The following GLRX5 variants were observed in gnomAD, a reference collection of about 807,000 sequenced individuals.
The protein encoded by GLRX5 is glutaredoxin 5, also known as glutaredoxin-related protein 5, mitochondrial.
In GLRX5, 10 loss-of-function variants were observed where a neutral mutation model predicts 13.8. That is an observed-to-expected ratio of 0.72 (90% CI 0.45 to 1.23). The LOEUF is 1.23. Ranked by LOEUF, GLRX5 falls within the 50% of genes most tolerant of loss-of-function variation. The pLI, the probability that GLRX5 is intolerant of heterozygous loss-of-function variation, is 0.00. For synonymous variants in GLRX5, 98 were observed against 101.1 expected, an observed-to-expected ratio of 0.97 and a Z score of 0.18; for missense variants, 233 against 215.2, an observed-to-expected ratio of 1.08 and a Z score of -0.52.
intron 1 of GLRX5, among the ~76,000 whole-genome samples, chr14:95,538,092 T>C (rs1210391971): frequency 2.8e-5 from 1 of 36,210 alleles, no homozygotes; most frequent in African/African-American, 1.1e-4. Context: ...ATCTAGTTCC[T>C]AACAGTTTTT....
Position 95,544,450 on chromosome 14 carries a change from C to T in GLRX5, c.*325C>T. On this transcript the variant is annotated 3_prime_UTR_variant, in exon 2 of 2. Transcript: ENST00000331334. ...AGCTTTGGAATCATTATTCATGACC[C>T]CTCTGCAAATGTGTCAGTCTCCAAA... is the stretch of plus-strand genomic sequence containing the variant. The T allele has an allele frequency of 3.5e-6, 1 of 284,722 alleles. No homozygotes were observed. The highest frequency in any genetic ancestry group is 7.2e-5 in the East Asian group (1 of 13,794). 17.6% of individuals were successfully genotyped at this position (284,722 alleles called of 1,614,324 possible).
chr14:95,543,889 G>T, intron 1 of GLRX5, 58 bp from the exon 2 acceptor site: 1 of 1,451,550 alleles, frequency 6.9e-7, no homozygotes, highest in Non-Finnish European at 9.7e-7. Flanking sequence ...TACATATTTA[G>T]TCATGAATGG....
At chr14:95,535,563 G>A (rs1309571240) in intron 1 of GLRX5, among the ~76,000 whole-genome samples, 179 bp downstream of exon 1, 1 of 152,212 alleles carries the variant, frequency 6.6e-6, no homozygotes, top group Non-Finnish European at 1.5e-5. Flanking sequence ...CTGGGCTGAG[G>A]GTGTAGTTGA....
chr14:95,535,058 G>C lies in GLRX5; in HGVS notation c.-32G>C, dbSNP rs1473326652. On this transcript the variant is annotated 5_prime_UTR_variant, in exon 1 of 2. Transcript: ENST00000331334. Reference sequence around the variant, plus strand: ...GCTCTGGGTGGCCAGCTGTGGGCCCGGGCCGTCGTGGGCTCCGGCTTGCGT... The same window carrying C: ...GCTCTGGGTGGCCAGCTGTGGGCCCCGGCCGTCGTGGGCTCCGGCTTGCGT... 56 of 1,325,938 alleles carry C rather than the reference G, an allele frequency of 4.2e-5. No individual in the cohort carries two copies. The highest frequency in any genetic ancestry group is 3.0e-4 in the Middle Eastern group (1 of 3,336). 82.1% of individuals were successfully genotyped at this position (1,325,938 alleles called of 1,614,324 possible).
rs1438119570 is a variant in GLRX5 at position 95,543,459 on chromosome 14, G to T, written c.296-488G>T. The T allele has an allele frequency of 2.2e-5, 7 of 318,666 alleles. No individual in the cohort carries two copies. In the Admixed American group the frequency reaches 3.0e-4, roughly 14 times the overall value. 19.7% of individuals were successfully genotyped at this position (318,666 alleles called of 1,614,324 possible). ...AGGTGGGATTGCCCGAGTTGGCCAT[G>T]AATTACCGTGATGGATCCATTTGGA... On this transcript the variant is annotated intron_variant, in intron 1 of 1. Coordinates refer to ENST00000331334, the MANE Select transcript of GLRX5 (RefSeq NM_016417.3).
rs568595229 is a variant in GLRX5 at position 95,544,222 on chromosome 14, C to T, written c.*97C>T. The T allele has an allele frequency of 4.5e-4, 424 of 940,944 alleles. 4 individuals carry two copies. The highest frequency in any genetic ancestry group is 1.0e-4 in the Non-Finnish European group (61 of 591,038). The allele number at this position is 940,944 out of a possible 1,614,324, so 58.3% of individuals were successfully genotyped here. ...CCATTTTGGTTTTCACTATTGAGAC[C>T]GCAACTGCTTGCACTGATCATTTTG... On this transcript the variant is annotated 3_prime_UTR_variant, in exon 2 of 2. Coordinates refer to ENST00000331334, the MANE Select transcript of GLRX5 (RefSeq NM_016417.3).
intron 1 of GLRX5, chr14:95,543,353 A>AC (rs1174810463): frequency 8.7e-6 from 3 of 344,140 alleles, no homozygotes; most frequent in South Asian, 4.5e-5. Context: ...AAAAAAAAAA[A>AC]AACTCAACAA....
At chr14:95,543,486 A>G (rs1891507226) in intron 1 of GLRX5, 1 of 315,674 alleles carries the variant, frequency 3.2e-6, no homozygotes, top group Non-Finnish European at 6.2e-6. Flanking sequence ...CCATTTGGAA[A>G]TGAAGTTGGT....
At chr14:95,543,117 G>A (rs1225347149) in intron 1 of GLRX5, 2 of 456,006 alleles carry the variant, frequency 4.4e-6, no homozygotes, top group East Asian at 6.9e-5. Flanking sequence ...GCTGCTGTGA[G>A]CGCTTAAGAG....
At chr14:95,537,670 A>C (rs1306682854) in intron 1 of GLRX5, among the ~76,000 whole-genome samples, 1 of 152,238 alleles carries the variant, frequency 6.6e-6, no homozygotes, top group African/African-American at 2.4e-5. Context: ...ATTTCTAGTA[A>C]TAGGAACGGA....
Position 95,535,274 on chromosome 14 carries a change from C to T in GLRX5, c.185C>T (p.Pro62Leu), listed in dbSNP as rs577438813. The T allele has an allele frequency of 2.1e-4, 329 of 1,570,346 alleles. 3 individuals are homozygous for T. In the South Asian group the frequency reaches 2.2e-3, roughly 10 times the overall value. ...DKVVVFLKGT[P>L]EQPQCGFSNA... ...GTGGTGGTCTTCCTCAAGGGGACGC[C>T]GGAGCAGCCCCAGTGCGGCTTCAGC... is the stretch of plus-strand genomic sequence containing the variant. Residue 62 changes from proline to leucine, a missense_variant, in exon 1 of 2, where the codon CCG becomes CTG. Pro to Leu is a moderately conservative substitution (Grantham distance 98). Transcript: ENST00000331334.
chr14:95,540,569 T>C (rs1302136779), intron 1 of GLRX5, among the ~76,000 whole-genome samples: 2 of 152,158 alleles, frequency 1.3e-5, no homozygotes, highest in Non-Finnish European at 2.9e-5. Context: ...CTAGTGAGGG[T>C]CTACTGATTT....
At chr14:95,543,864 C>T (rs1011778813) in intron 1 of GLRX5, 83 bp from the exon 2 acceptor site, 3 of 1,211,558 alleles carry the variant, frequency 2.5e-6, no homozygotes, top group Non-Finnish European at 3.7e-6. Flanking sequence ...TTGTCTGCTA[C>T]TAGTGGGTCA....
At position 95,544,528 on chromosome 14, in the gene GLRX5, G is replaced by T; in HGVS notation, c.*403G>T. 4.8e-6 allele frequency: 1 copy of T among 209,976 alleles called. No individual in the cohort carries two copies. Among genetic ancestry groups the T allele is most frequent in the Non-Finnish European group, 9.8e-6 (1 of 102,444 alleles). 13.0% of individuals were successfully genotyped at this position (209,976 alleles called of 1,614,324 possible). On this transcript the variant is annotated 3_prime_UTR_variant, in exon 2 of 2. Transcript: ENST00000331334. ...AGCTTCTTTTGTTATGGAAAATGGT[G>T]AACAAAAAAAGAAACTGTGATAACT...
chr14:95,536,925 C>T (rs1198176243), intron 1 of GLRX5, among the ~76,000 whole-genome samples: 1 of 152,066 alleles, frequency 6.6e-6, no homozygotes, highest in Non-Finnish European at 1.5e-5. Flanking sequence ...ATTCTCATGA[C>T]CCTTTTGTCT....
chr14:95,535,199 G>A lies in GLRX5; in HGVS notation c.110G>A (p.Gly37Asp). ...PGVRAAGSGA[G>D]GGGSAEQLDA... Reference sequence around the variant, plus strand: ...GTGCGGGCGGCGGGCTCGGGCGCGGGCGGCGGCGGCTCGGCGGAGCAGTTG... The same window carrying A: ...GTGCGGGCGGCGGGCTCGGGCGCGGACGGCGGCGGCTCGGCGGAGCAGTTG... The change falls in exon 1 of 2, where the codon GGC becomes GAC. Residue 37 changes from glycine (G) to aspartate (D), a missense_variant. Physicochemically the swap from Gly to Asp is moderately conservative, Grantham distance 94. Transcript: ENST00000331334. The A allele has an allele frequency of 3.3e-6, 5 of 1,501,914 alleles. No homozygotes were observed. Among genetic ancestry groups the A allele is most frequent in the Non-Finnish European group, 4.4e-6 (5 of 1,124,168 alleles). 93.0% of individuals were successfully genotyped at this position (1,501,914 alleles called of 1,614,324 possible). A position where few individuals can be genotyped will look rare whatever the true frequency, so the allele number is the denominator to read the frequency against.
intron 1 of GLRX5, among the ~76,000 whole-genome samples, chr14:95,539,628 A>G (rs8006785): frequency 0.63 from 95,259 of 151,950 alleles, 30,830 homozygotes; most frequent in Non-Finnish European, 0.7. Flanking sequence ...ACCTCTGGTG[A>G]GGGACTCAGG....
chr14:95,542,013 T>C (rs1212315869), intron 1 of GLRX5, among the ~76,000 whole-genome samples: 2 of 152,232 alleles, frequency 1.3e-5, no homozygotes, highest in Non-Finnish European at 2.9e-5. Flanking sequence ...TTGAAGATAA[T>C]GAAAAGAAGC....
At chr14:95,543,820 T>A (rs999087460) in intron 1 of GLRX5, 127 bp from the exon 2 acceptor site, 1 of 805,124 alleles carries the variant, frequency 1.2e-6, no homozygotes, top group South Asian at 1.5e-5. Flanking sequence ...CACAGTGTTC[T>A]CAAGATTGGG....
Sources: allele counts gnomAD v4.1 joint callset (sites outside exome capture counted in the v4.1 genomes callset), GRCh38; gene constraint gnomAD v4.1.1; transcripts MANE v1.5; gene names NCBI Gene and HGNC (gene_info 2026-07-23, HGNC 2026-07-21).